Variants in THAP8 observed in about 807,000 individuals in gnomAD.
THAP8 encodes THAP domain-containing protein 8.
In THAP8, 24 loss-of-function variants were observed where a neutral mutation model predicts 25.0. The observed-to-expected ratio is 0.96, with a 90% CI of 0.69 to 1.35. THAP8 has a LOEUF of 1.35. THAP8 is among the 40% of genes most tolerant of loss of function. THAP8 has a pLI of 0.00. For missense variants in THAP8, 399 were observed against 368.8 expected, an observed-to-expected ratio of 1.08 and a Z score of -0.67; for synonymous variants, 169 against 157.6, an observed-to-expected ratio of 1.07 and a Z score of -0.54.
chr19:36,048,667 A>G (rs755502065), intron 1 of THAP8, among the ~76,000 whole-genome samples: 4 of 151,574 alleles, frequency 2.6e-5, no homozygotes, highest in Non-Finnish European at 2.9e-5. Flanking sequence ...GCCCAGCCCA[A>G]TGGGACTTCA....
intron 1 of THAP8, among the ~76,000 whole-genome samples, chr19:36,046,415 A>T (rs1160776058): frequency 6.6e-6 from 1 of 152,222 alleles, no homozygotes; most frequent in Non-Finnish European, 1.5e-5. Flanking sequence ...GACACACAAG[A>T]AACTAAAGAG....
chr19:36,047,227 T>C (rs950288733), intron 1 of THAP8, among the ~76,000 whole-genome samples: 1 of 152,204 alleles, frequency 6.6e-6, no homozygotes, highest in Non-Finnish European at 1.5e-5. Flanking sequence ...GAAGTCCTTT[T>C]TTTCTTTCTT....
rs1363741159 is a variant in THAP8, at chr19:36,035,517, C to T, written c.748G>A (p.Val250Ile). The T allele has an allele frequency of 2.5e-6, 4 of 1,614,052 alleles. No individual in the cohort carries two copies. The South Asian group carries it at 3.3e-5, about 13-fold the overall frequency. The change falls in exon 4 of 4, where the codon GTC becomes ATC. Residue 250 changes from valine to isoleucine, a missense_variant. Val to Ile is a conservative substitution (Grantham distance 29). Coordinates refer to ENST00000292894, the MANE Select transcript of THAP8 (RefSeq NM_152658.3). ...GCAGGTGCAGGGTCCTGGGCAAGGA[C>T]CATGGCTATGTCAGGCCCTCCACAG... is the stretch of plus-strand genomic sequence containing the variant. ...IICGGPDIAM[V>I]LAQDPAPATV... is the part of the protein sequence containing the mutation.
At chr19:36,038,835 A>AGCGAGACTCC (rs2145430623) in intron 3 of THAP8, among the ~76,000 whole-genome samples, 1 of 150,144 alleles carries the variant, frequency 6.7e-6, no homozygotes, top group Admixed American at 6.7e-5. Flanking sequence ...TGGGCAACAG[A>AGCGAGACTCC]GCGAGACTCC....
At chr19:36,049,571 C>T (rs1969993749) in intron 1 of THAP8, among the ~76,000 whole-genome samples, 1 of 152,118 alleles carries the variant, frequency 6.6e-6, no homozygotes, top group Non-Finnish European at 1.5e-5. Flanking sequence ...CAGGGGTAGG[C>T]CCTGAGGTGG....
At chr19:36,050,679 T>G (rs1231507457) in intron 1 of THAP8, among the ~76,000 whole-genome samples, 2 of 152,206 alleles carry the variant, frequency 1.3e-5, no homozygotes, top group Non-Finnish European at 2.9e-5. Flanking sequence ...CCATGAGCTC[T>G]GTCATGGCAG....
chr19:36,036,229 G>A (rs1024065777), intron 3 of THAP8, among the ~76,000 whole-genome samples: 1 of 148,362 alleles, frequency 6.7e-6, no homozygotes, highest in Non-Finnish European at 1.5e-5. Flanking sequence ...GAGAATCCAA[G>A]CCCAGTGCTG....
At chr19:36,044,516 G>C (rs1969810885) in intron 1 of THAP8, among the ~76,000 whole-genome samples, 3 of 151,948 alleles carry the variant, frequency 2.0e-5, no homozygotes, top group Non-Finnish European at 4.4e-5. Context: ...TTGAGACACG[G>C]TCTCATTCTG....
chr19:36,035,420 G>A lies in THAP8; in HGVS notation c.*20C>T, dbSNP rs773576976. On this transcript the variant is annotated 3_prime_UTR_variant, in exon 4 of 4. Coordinates refer to ENST00000292894, the MANE Select transcript of THAP8 (RefSeq NM_152658.3). ...CTCCATCTTCTATCTTTTGTCCCTC[G>A]ACATTGTCTGTCTTGATCCTTATGC... The A allele has an allele frequency of 2.5e-5, 40 of 1,601,936 alleles. No individual in the cohort carries two copies. The highest frequency in any genetic ancestry group is 3.2e-5 in the Non-Finnish European group (38 of 1,171,066).
chr19:36,039,965 G>C lies in THAP8; in HGVS notation c.255C>G (p.Phe85Leu). The C allele has an allele frequency of 6.2e-7, 1 of 1,613,222 alleles. No homozygotes were observed. Among genetic ancestry groups the C allele is most frequent in the Non-Finnish European group, 8.5e-7 (1 of 1,179,928 alleles). ...YLRPDAVPSIFSRGPPAKSQR... is the reference protein window; with the variant it reads ...YLRPDAVPSILSRGPPAKSQR... ...TCACCTTGGCAGGTGGTCCCCGGGAGAAGATGGAGGGCACTGCATCAGGCC... is the reference window on the plus strand; with the variant it reads ...TCACCTTGGCAGGTGGTCCCCGGGACAAGATGGAGGGCACTGCATCAGGCC... Residue 85 changes from phenylalanine to leucine, a missense_variant, in exon 2 of 4, where the codon TTC (phenylalanine) becomes TTG (leucine). Physicochemically the swap from Phe to Leu is conservative, Grantham distance 22. Coordinates refer to ENST00000292894, the MANE Select transcript of THAP8 (RefSeq NM_152658.3).
chr19:36,037,343 TACACACACACAC>T (rs58349186), intron 3 of THAP8, among the ~76,000 whole-genome samples: 8 of 114,830 alleles, frequency 7.0e-5, no homozygotes, highest in Middle Eastern at 8.4e-3. Flanking sequence ...ATTCCTCCCC[TACACACACACAC>T]ACACACACAC....
chr19:36,035,647 G>T, intron 3 of THAP8, 55 bp from the exon 4 acceptor site: 1 of 1,585,650 alleles, frequency 6.3e-7, no homozygotes, highest in Non-Finnish European at 8.6e-7. Context: ...TTGCGGGAGA[G>T]ACAGACAGAT....
rs546292888 is a variant in THAP8 at position 36,039,711 on chromosome 19, C to T, written c.284G>A (p.Arg95Gln). Residue 95 changes from arginine to glutamine, a missense_variant, in exon 3 of 4, where the codon CGG (arginine) becomes CAG (glutamine). Arg to Gln is a conservative substitution (Grantham distance 43, BLOSUM62 1). Coordinates refer to ENST00000292894, the MANE Select transcript of THAP8 (RefSeq NM_152658.3). Reference protein sequence around the residue: ...FSRGPPAKSQRRTRSTQKPVS... With the variant: ...FSRGPPAKSQQRTRSTQKPVS... The stretch of plus-strand genomic sequence containing the variant: ...TGGCTTCTGGGTGCTTCGGGTCCTC[C>T]GCTGACTCTGGAAGACAAGGCATGG... 2.7e-4 allele frequency: 411 copies of T among 1,518,092 alleles called. 7 individuals are homozygous for T. In the South Asian group the frequency reaches 4.9e-3, roughly 18 times the overall value. 94.0% of individuals were successfully genotyped at this position (1,518,092 alleles called of 1,614,324 possible).
upstream of THAP8, chr19:36,054,382 C>T (rs1970221851): frequency 1.3e-6 from 1 of 783,564 alleles, no homozygotes. Flanking sequence ...GCCTACTAGG[C>T]GCCCCTCCAC....
intron 1 of THAP8, chr19:36,045,797 G>C (rs1053227020): frequency 4.4e-6 from 2 of 456,510 alleles, no homozygotes; most frequent in Non-Finnish European, 8.8e-6. Context: ...CCAGGAACCG[G>C]AACAGGCAAA....
chr19:36,041,589 C>G (rs936096963), intron 1 of THAP8, among the ~76,000 whole-genome samples: 1 of 152,160 alleles, frequency 6.6e-6, no homozygotes, highest in Non-Finnish European at 1.5e-5. Context: ...AGTCTTTAAA[C>G]AACTCAACAA....
intron 2 of THAP8, 105 bp downstream of exon 2, chr19:36,039,839 G>A (rs1410419485): frequency 6.4e-7 from 1 of 1,568,922 alleles, no homozygotes; most frequent in African/African-American, 1.4e-5. Flanking sequence ...CAGGGAGGAA[G>A]TGTCGTCAGG....
intron 1 of THAP8, chr19:36,045,717 A>G (rs1356612531): frequency 6.6e-6 from 3 of 456,442 alleles, no homozygotes; most frequent in Non-Finnish European, 1.3e-5. Context: ...AGAAAAGAAG[A>G]GAGGGCAATG....
In THAP8 at chr19:36,035,544, T is replaced by A; in HGVS notation, c.721A>T (p.Ile241Phe). Reference sequence around the variant, plus strand: ...ATGGCTATGTCAGGCCCTCCACAGATGATGGTGAAGGTTTGGGATTCCTCA... The same window carrying A: ...ATGGCTATGTCAGGCCCTCCACAGAAGATGGTGAAGGTTTGGGATTCCTCA... ...GPEESQTFTI[I>F]CGGPDIAMVL... Residue 241 changes from isoleucine (I) to phenylalanine (F), a missense_variant, in exon 4 of 4, where the codon ATC becomes TTC. Coordinates refer to ENST00000292894, the MANE Select transcript of THAP8 (RefSeq NM_152658.3). 1.2e-6 allele frequency: 2 copies of A among 1,613,988 alleles called. No individual in the cohort carries two copies. Among genetic ancestry groups the A allele is most frequent in the Non-Finnish European group, 1.7e-6 (2 of 1,179,990 alleles).
Sources: allele counts gnomAD v4.1 joint callset (sites outside exome capture counted in the v4.1 genomes callset), GRCh38; gene constraint gnomAD v4.1.1; transcripts MANE v1.5; gene names NCBI Gene and HGNC (gene_info 2026-07-23, HGNC 2026-07-21).